Variants in CHCT1 observed in about 807,000 individuals in gnomAD.
The protein encoded by CHCT1 is CHD1 helical C-terminal domain containing 1.
the CHCT1 span, among the ~76,000 whole-genome samples, chr17:60,430,525 A>C: frequency 6.6e-6 from 1 of 152,136 alleles, no homozygotes; most frequent in Admixed American, 6.5e-5. Flanking sequence ...CTGCGGCCCA[A>C]GCTGAAGTGC....
the CHCT1 span, chr17:60,421,881 G>A: frequency 1.0e-6 from 1 of 985,342 alleles, no homozygotes; most frequent in African/African-American, 1.7e-5. Context: ...ACTTGCCCGC[G>A]TCTCAGCGCC....
chr17:60,428,689 G>T, the CHCT1 span, among the ~76,000 whole-genome samples: 1 of 151,792 alleles, frequency 6.6e-6, no homozygotes, highest in Non-Finnish European at 1.5e-5. Context: ...GTTTCACCTT[G>T]TTGGCCAGGC....
the CHCT1 span, chr17:60,431,131 C>CTTACTA: frequency 3.8e-6 from 5 of 1,322,968 alleles, no homozygotes; most frequent in African/African-American, 7.7e-5. Flanking sequence ...GACTGAGATT[C>CTTACTA]TTACTATTTG....
chr17:60,429,545 C>T, the CHCT1 span: 1 of 1,614,026 alleles, frequency 6.2e-7, no homozygotes, highest in South Asian at 1.1e-5. Context: ...ATCCCAGGAC[C>T]ATGTCAAGAA....
At chr17:60,422,556 G>A in the CHCT1 span, 1 of 1,549,366 alleles carries the variant, frequency 6.5e-7, no homozygotes, top group Non-Finnish European at 8.7e-7. Context: ...GGGACGTGGG[G>A]AGTGCCACCC....
At chr17:60,421,594 G>A in the CHCT1 span, 1 of 983,840 alleles carries the variant, frequency 1.0e-6, no homozygotes, top group Non-Finnish European at 1.2e-6. Flanking sequence ...AGGAAACTGC[G>A]GGGGCAACGG....
At chr17:60,426,503 A>C in the CHCT1 span, 1 of 1,043,328 alleles carries the variant, frequency 9.6e-7, no homozygotes, top group Non-Finnish European at 1.4e-6. Flanking sequence ...CCCTGACTGC[A>C]CCTTGTCTCT....
chr17:60,429,219 G>A, the CHCT1 span: 2 of 860,160 alleles, frequency 2.3e-6, no homozygotes, highest in African/African-American at 3.5e-5. Context: ...TCCCACATCT[G>A]TGATTCCTAC....
chr17:60,421,349 TCCGGGCCTCCGGGCTACC>T, the CHCT1 span: 1 of 985,172 alleles, frequency 1.0e-6, no homozygotes, highest in Non-Finnish European at 1.2e-6. Flanking sequence ...CCTCCAAAGC[TCCGGGCCTCCGGGCTACC>T]CCTACTTGAA....
chr17:60,422,283 G>C, the CHCT1 span: 2 of 438,058 alleles, frequency 4.6e-6, no homozygotes, highest in East Asian at 6.5e-5. Context: ...AGTATTCTTG[G>C]GAGAAGGGGC....
chr17:60,427,251 C>T, the CHCT1 span, among the ~76,000 whole-genome samples: 2 of 152,188 alleles, frequency 1.3e-5, no homozygotes, highest in South Asian at 4.2e-4. Context: ...TAATTACTTG[C>T]AAATTATGGG....
At chr17:60,421,406 G>A in the CHCT1 span, 2 of 985,668 alleles carry the variant, frequency 2.0e-6, no homozygotes, top group Non-Finnish European at 2.4e-6. Flanking sequence ...TGTGCCCGAG[G>A]TGGCCGCTGG....
At chr17:60,422,715 A>C in the CHCT1 span, 1 of 1,430,880 alleles carries the variant, frequency 7.0e-7, no homozygotes, top group East Asian at 2.6e-5. Flanking sequence ...AGAGAACATG[A>C]AATTCAGGAA....
the CHCT1 span, chr17:60,425,670 G>T: frequency 2.8e-6 from 2 of 720,600 alleles, no homozygotes; most frequent in Admixed American, 2.4e-5. Flanking sequence ...GGTCAAGAAG[G>T]TCTGAGGGCA....
chr17:60,426,562 G>A, the CHCT1 span, among the ~76,000 whole-genome samples: 1 of 152,188 alleles, frequency 6.6e-6, no homozygotes, highest in Non-Finnish European at 1.5e-5. Flanking sequence ...GGATATTCAA[G>A]TTTGGGCAAA....
At chr17:60,429,397 C>T in the CHCT1 span, 2 of 1,614,158 alleles carry the variant, frequency 1.2e-6, no homozygotes, top group Non-Finnish European at 1.7e-6. Context: ...CGGAGAGGTC[C>T]TTGCTGGCCG....
At chr17:60,426,181 G>T in the CHCT1 span, 33 of 1,551,596 alleles carry the variant, frequency 2.1e-5, no homozygotes, top group Non-Finnish European at 2.6e-5. Context: ...ACCTAAGACC[G>T]CTGAAGAAGT....
At chr17:60,421,828 C>A in the CHCT1 span, 5,136 of 982,692 alleles carry the variant, frequency 5.2e-3, 232 homozygotes, top group African/African-American at 0.083. Flanking sequence ...CGCCGACACC[C>A]GGCTCCCCGC....
At chr17:60,422,041 G>C in the CHCT1 span, 2 of 763,042 alleles carry the variant, frequency 2.6e-6, no homozygotes, top group East Asian at 1.3e-4. Context: ...CAGCACGGAG[G>C]GCTTATTATT....
Sources: gnomAD v4.1 joint callset for allele counts (sites outside exome capture counted in the v4.1 genomes callset) on GRCh38, gnomAD v4.1.1 for gene constraint, MANE v1.5 for transcripts, NCBI Gene and HGNC (gene_info 2026-07-23, HGNC 2026-07-21) for gene names.